RNF150: variants seen among roughly 807,000 people sequenced by gnomAD.
The protein encoded by RNF150 is ring finger protein 150.
Under a neutral mutation model 39.3 loss-of-function variants are expected in RNF150, and 24 were observed. That is an observed-to-expected ratio of 0.61 (90% CI 0.44 to 0.86). The LOEUF (loss-of-function observed/expected upper bound fraction) is 0.86. RNF150 is among the 40% of genes least tolerant of loss of function. RNF150 has a pLI of 0.00. For synonymous variants in RNF150, 255 were observed against 227.3 expected, an observed-to-expected ratio of 1.12 and a Z score of -1.10; for missense variants, 502 against 587.8, an observed-to-expected ratio of 0.85 and a Z score of 1.51.
chr4:141,000,087 G>GAGAAGAAGA, intron 1 of RNF150, among the ~76,000 whole-genome samples: 1 of 35,898 alleles, frequency 2.8e-5, no homozygotes, highest in Non-Finnish European at 5.3e-5. Flanking sequence ...GAAGAAGAAG[G>GAGAAGAAGA]AGAAGAAGAA....
At chr4:140,945,250 T>G (rs1438868289) in intron 4 of RNF150, among the ~76,000 whole-genome samples, 2 of 152,144 alleles carry the variant, frequency 1.3e-5, no homozygotes, top group Non-Finnish European at 1.5e-5. Context: ...CTAATGTACA[T>G]TAAAATCCCT....
At chr4:141,116,771 A>C (rs1739561396) in intron 1 of RNF150, among the ~76,000 whole-genome samples, 1 of 152,226 alleles carries the variant, frequency 6.6e-6, no homozygotes, top group Admixed American at 6.5e-5. Flanking sequence ...CTGGATAAAG[A>C]AAATGTGGCA....
chr4:141,066,079 C>G (rs4403123), intron 1 of RNF150, among the ~76,000 whole-genome samples: 1 of 151,784 alleles, frequency 6.6e-6, no homozygotes, highest in Non-Finnish European at 1.5e-5. Context: ...CACTATTTGA[C>G]TCATCTGATC....
intron 1 of RNF150, among the ~76,000 whole-genome samples, chr4:141,028,005 C>T (rs1312004641): frequency 8.5e-6 from 1 of 118,242 alleles, no homozygotes; most frequent in Non-Finnish European, 1.6e-5. Context: ...CTGACAGGAA[C>T]TTAAAGCTAG....
chr4:140,994,688 C>T (rs150489218), intron 1 of RNF150, among the ~76,000 whole-genome samples: 4 of 152,332 alleles, frequency 2.6e-5, no homozygotes, highest in Non-Finnish European at 5.9e-5. Flanking sequence ...TCCCTGAGCA[C>T]AGGCAGCACT....
intron 1 of RNF150, among the ~76,000 whole-genome samples, chr4:141,096,346 G>A (rs1436544157): frequency 2.0e-5 from 3 of 151,800 alleles, no homozygotes; most frequent in East Asian, 1.9e-4. Context: ...ACAGGTGCCC[G>A]CTGCCATGCC....
chr4:141,087,834 T>C (rs1413404824), intron 1 of RNF150, among the ~76,000 whole-genome samples: 8 of 152,158 alleles, frequency 5.3e-5, no homozygotes, highest in Non-Finnish European at 1.0e-4. Context: ...TCATGGACTT[T>C]TTTTTTTATT....
At chr4:140,899,565 T>C (rs1190096422) in intron 6 of RNF150, among the ~76,000 whole-genome samples, 1 of 152,012 alleles carries the variant, frequency 6.6e-6, no homozygotes, top group East Asian at 1.9e-4. Context: ...TGTGCATGTG[T>C]GTATGCATGT....
intron 1 of RNF150, among the ~76,000 whole-genome samples, chr4:141,171,144 G>T (rs763925881): frequency 1.2e-4 from 18 of 152,132 alleles, no homozygotes; most frequent in Non-Finnish European, 2.5e-4. Context: ...CCAACATAGG[G>T]TTGTAAAGAA....
chr4:141,209,304 T>C (rs998804019), intron 1 of RNF150, among the ~76,000 whole-genome samples: 3 of 152,206 alleles, frequency 2.0e-5, no homozygotes, highest in African/African-American at 7.2e-5. Context: ...TATATGTACA[T>C]GCTATTCTAT....
At chr4:140,894,556 A>G (rs896338464) in intron 6 of RNF150, among the ~76,000 whole-genome samples, 1 of 152,130 alleles carries the variant, frequency 6.6e-6, no homozygotes, top group Admixed American at 6.5e-5. Flanking sequence ...AAGACAAATA[A>G]CCCTAAATAT....
At chr4:141,063,554 T>C (rs1258271301) in intron 1 of RNF150, among the ~76,000 whole-genome samples, 1 of 152,142 alleles carries the variant, frequency 6.6e-6, no homozygotes, top group Non-Finnish European at 1.5e-5. Flanking sequence ...TTGATAAAAA[T>C]AAGCAAATTG....
At chr4:141,062,734 A>G (rs1235167333) in intron 1 of RNF150, among the ~76,000 whole-genome samples, 2 of 152,086 alleles carry the variant, frequency 1.3e-5, no homozygotes, top group African/African-American at 4.8e-5. Context: ...ACATAGGTAT[A>G]TTGTATTATG....
chr4:140,880,372 C>A (rs1729326723), intron 6 of RNF150, among the ~76,000 whole-genome samples: 1 of 151,980 alleles, frequency 6.6e-6, no homozygotes, highest in Non-Finnish European at 1.5e-5. Context: ...GGTATATAAT[C>A]TTTTAATGTA....
chr4:140,879,774 G>A (rs1395309057), intron 6 of RNF150, among the ~76,000 whole-genome samples: 1 of 152,042 alleles, frequency 6.6e-6, no homozygotes, highest in African/African-American at 2.4e-5. Context: ...AGCTGTGATT[G>A]TGCCATTGTA....
chr4:140,911,581 T>A (rs1730608460), intron 5 of RNF150, among the ~76,000 whole-genome samples: 1 of 152,204 alleles, frequency 6.6e-6, no homozygotes, highest in Admixed American at 6.5e-5. Context: ...AAGATTCCTT[T>A]TTAATCTTTT....
rs759995445 is a variant in RNF150, at chr4:141,193,224, C to T, written c.-6+19570G>A. 6.8e-4 allele frequency among the ~76,000 whole-genome samples: 103 copies of T among 152,280 alleles called. 1 individual carries two copies. The Middle Eastern group carries it at 0.01, about 15-fold the overall frequency. ...CTGTATCTTAGCAATTAGAATAGTG[C>T]CTAGCACATAATAAGCATTCAATAA... On this transcript the variant is annotated intron_variant, in intron 1 of 7. Transcript: ENST00000420921.
At chr4:140,936,200 T>A (rs755450813) in intron 4 of RNF150, among the ~76,000 whole-genome samples, 5 of 152,232 alleles carry the variant, frequency 3.3e-5, no homozygotes, top group Non-Finnish European at 7.3e-5. Context: ...ACATCTGTAC[T>A]GTCCTCATTT....
rs1481665174 is a variant in RNF150 at position 140,896,700 on chromosome 4, ACAAAAAAACAAAC to A, written c.1198+14431_1198+14443del. On this transcript the variant is annotated intron_variant, in intron 6 of 6. Coordinates refer to ENST00000515673, the MANE Select transcript of RNF150 (RefSeq NM_020724.2). ...CTTAGAGTATAATAAAAAAAAAAAA[ACAAAAAAACAAAC>A]AAACAAACAAAAAAAAATAATTTTT... is the stretch of plus-strand genomic sequence containing the variant. 4.5e-4 allele frequency among the ~76,000 whole-genome samples: 19 copies of A among 42,470 alleles called. 1 individual carries two copies. Among genetic ancestry groups the A allele is most frequent in the African/African-American group, 5.3e-4 (8 of 15,176 alleles). 27.9% of individuals were successfully genotyped at this position (42,470 alleles called of 152,430 possible). A position where few individuals can be genotyped will look rare whatever the true frequency, so the allele number is the denominator to read the frequency against.
Sources: allele counts gnomAD v4.1 joint callset (sites outside exome capture counted in the v4.1 genomes callset), GRCh38; gene constraint gnomAD v4.1.1; transcripts MANE v1.5; gene names NCBI Gene and HGNC (gene_info 2026-07-23, HGNC 2026-07-21).